KIAA0586: variants seen among roughly 807,000 people sequenced by gnomAD.
KIAA0586 encodes protein TALPID3.
In KIAA0586, 144 loss-of-function variants were observed where a neutral mutation model predicts 169.8. That is an observed-to-expected ratio of 0.85 (90% CI 0.74 to 0.97). The LOEUF (loss-of-function observed/expected upper bound fraction) is 0.97. Ranked by LOEUF, KIAA0586 falls within the 50% of genes least tolerant of loss-of-function variation. The probability of loss-of-function intolerance (pLI) is 0.00; values close to 1 mark genes in which losing one functional copy is unlikely to be tolerated. For synonymous variants in KIAA0586, 625 were observed against 612.4 expected, an observed-to-expected ratio of 1.02 and a Z score of -0.30; for missense variants, 1,854 against 1,823.0, an observed-to-expected ratio of 1.02 and a Z score of -0.31.
intron 20 of KIAA0586, among the ~76,000 whole-genome samples, chr14:58,480,896 C>T (rs1362290678): frequency 6.6e-6 from 1 of 152,178 alleles, no homozygotes; most frequent in African/African-American, 2.4e-5. Flanking sequence ...GAAAATCTGA[C>T]ATTTTACAAA....
chr14:58,449,849 T>C (rs1186758712), intron 7 of KIAA0586, among the ~76,000 whole-genome samples: 1 of 152,224 alleles, frequency 6.6e-6, no homozygotes, highest in African/African-American at 2.4e-5. Context: ...AATTTTTCTT[T>C]GTATATATAA....
At position 58,458,549 on chromosome 14, in the gene KIAA0586, T is replaced by C. The variant is rs368165741; in HGVS notation, c.1656+4T>C. 3.9e-5 allele frequency: 59 copies of C among 1,510,016 alleles called. No homozygotes were observed. The East Asian group carries it at 1.1e-3, about 27-fold the overall frequency. 93.5% of individuals were successfully genotyped at this position (1,510,016 alleles called of 1,614,324 possible). On this transcript the variant is annotated splice_donor_region_variant and intron_variant, in intron 12 of 30. Transcript: ENST00000652326. ...AACTATTTCTGCAGAAATTCAGGTA[T>C]GTCTTGGAAAAAAACTGAAAATTAA...
chr14:58,461,078 T>A lies in KIAA0586; in HGVS notation c.1977T>A (p.Leu659=). ...KPVYQGHRST[L]KKGPYLRFNS... is the part of the protein sequence containing the mutation. ...TTTATCAGGGCCATCGAAGCACTCT[T>A]AAAAAAGGACCATATCTCAGATTTA... Residue 659 remains leucine (L), a synonymous_variant, in exon 14 of 31, where the codon CTT becomes CTA. Coordinates refer to ENST00000652326, the MANE Select transcript of KIAA0586 (RefSeq NM_001329943.3). 3 of 1,612,292 alleles carry A rather than the reference T, an allele frequency of 1.9e-6. No homozygotes were observed. The highest frequency in any genetic ancestry group is 2.5e-6 in the Non-Finnish European group (3 of 1,179,042).
chr14:58,440,014 C>G (rs2038168576), intron 4 of KIAA0586: 1 of 225,378 alleles, frequency 4.4e-6, no homozygotes, highest in Admixed American at 5.7e-5. Flanking sequence ...ATTTGCTGGA[C>G]TTGTTTTCAT....
chr14:58,523,651 C>T (rs2045373240), intron 29 of KIAA0586, among the ~76,000 whole-genome samples: 1 of 151,684 alleles, frequency 6.6e-6, no homozygotes, highest in Non-Finnish European at 1.5e-5. Context: ...AGCAGAGGAA[C>T]CGTCTCCAGT....
chr14:58,453,618 C>T, intron 9 of KIAA0586, 145 bp downstream of exon 9: 1 of 556,348 alleles, frequency 1.8e-6, no homozygotes, highest in Non-Finnish European at 3.0e-6. Context: ...GCTAATATAT[C>T]TTCCCCCTTT....
intron 20 of KIAA0586, among the ~76,000 whole-genome samples, chr14:58,478,546 A>G (rs1348033795): frequency 2.0e-5 from 3 of 152,150 alleles, no homozygotes; most frequent in Non-Finnish European, 4.4e-5. Context: ...TGCCCAGGCT[A>G]ATCTCAAACT....
chr14:58,507,283 T>C (rs1211524717), intron 27 of KIAA0586, among the ~76,000 whole-genome samples: 3 of 147,316 alleles, frequency 2.0e-5, no homozygotes, highest in Non-Finnish European at 3.0e-5. Flanking sequence ...GTATGATTTA[T>C]ATATATATCA....
At chr14:58,540,990 A>G (rs1259613051) in intron 30 of KIAA0586, among the ~76,000 whole-genome samples, 1 of 152,250 alleles carries the variant, frequency 6.6e-6, no homozygotes, top group East Asian at 1.9e-4. Context: ...GAATTGGAGC[A>G]AGAGTGGATG....
chr14:58,428,420 T>C lies in KIAA0586; in HGVS notation c.156T>C (p.Arg52=). ...CVPPALSANK[R]LPVGTGTSLN... ...CTCCGGCATTGTCTGCAAATAAACG[T>C]CTTCCTGTTGGAACGGGGACTAGTT... The change falls in exon 1 of 31, where the codon CGT becomes CGC. Residue 52 remains arginine, a synonymous_variant. Coordinates refer to ENST00000652326, the MANE Select transcript of KIAA0586 (RefSeq NM_001329943.3). 1 of 1,613,998 alleles carries C rather than the reference T, an allele frequency of 6.2e-7. No homozygotes were observed. The highest frequency in any genetic ancestry group is 8.5e-7 in the Non-Finnish European group (1 of 1,179,862).
At chr14:58,479,766 A>G (rs2041902415) in intron 20 of KIAA0586, among the ~76,000 whole-genome samples, 5 of 152,154 alleles carry the variant, frequency 3.3e-5, no homozygotes, top group Admixed American at 3.3e-4. Flanking sequence ...AGCTGTTCTA[A>G]TACCATTTGT....
chr14:58,522,301 T>C (rs1194755937), intron 29 of KIAA0586, among the ~76,000 whole-genome samples: 1 of 152,246 alleles, frequency 6.6e-6, no homozygotes, highest in East Asian at 1.9e-4. Flanking sequence ...AATCTTTTGT[T>C]ATGCAGGGAG....
chr14:58,500,346 C>A (rs2043465305), intron 27 of KIAA0586, among the ~76,000 whole-genome samples: 1 of 152,032 alleles, frequency 6.6e-6, no homozygotes, highest in Non-Finnish European at 1.5e-5. Context: ...ATAACTTGTG[C>A]CTGAAGGAAG....
rs142601191 is a variant in KIAA0586 at position 58,516,226 on chromosome 14, A to G, written c.4429+3599A>G. On this transcript the variant is annotated intron_variant, in intron 29 of 30. Transcript: ENST00000652326. Reference sequence around the variant, plus strand: ...AGAGAAAGATTGTGGGGAAAGGCAGAGAGTCTCTCTCACTGGTGCAGGCCT... The same window carrying G: ...AGAGAAAGATTGTGGGGAAAGGCAGGGAGTCTCTCTCACTGGTGCAGGCCT... Among the ~76,000 whole-genome samples, 137 of 152,320 alleles carry G rather than the reference A, an allele frequency of 9.0e-4. 1 individual carries two copies. The highest frequency in any genetic ancestry group is 6.8e-3 in the Middle Eastern group (2 of 294).
chr14:58,539,817 T>G (rs1449004453), intron 29 of KIAA0586: 2 of 297,166 alleles, frequency 6.7e-6, no homozygotes, highest in Non-Finnish European at 1.2e-5. Flanking sequence ...CTCATGACCC[T>G]TTGCTTCCCC....
chr14:58,432,918 G>A (rs1319090628), intron 4 of KIAA0586, among the ~76,000 whole-genome samples: 2 of 151,994 alleles, frequency 1.3e-5, no homozygotes, highest in Non-Finnish European at 2.9e-5. Flanking sequence ...GTTTCACTAT[G>A]TTGGCCAGGC....
intron 26 of KIAA0586, among the ~76,000 whole-genome samples, chr14:58,497,438 C>T (rs573368871): frequency 1.3e-5 from 2 of 151,628 alleles, no homozygotes; most frequent in East Asian, 3.9e-4. Flanking sequence ...CGGCTCACTG[C>T]AGCCTCTGCC....
At chr14:58,444,569 G>A (rs764457451) in intron 6 of KIAA0586, among the ~76,000 whole-genome samples, 9 of 152,000 alleles carry the variant, frequency 5.9e-5, no homozygotes, top group African/African-American at 1.4e-4. Context: ...GATTACAGGC[G>A]CACACCACCA....
Position 58,496,034 on chromosome 14 carries a change from T to C in KIAA0586, c.3991-2749T>C, listed in dbSNP as rs150654859. Among the ~76,000 whole-genome samples, 80 of 152,354 alleles carry C rather than the reference T, an allele frequency of 5.3e-4. 1 individual carries two copies. Among genetic ancestry groups the C allele is most frequent in the African/African-American group, 1.9e-3 (77 of 41,586 alleles). On this transcript the variant is annotated intron_variant, in intron 26 of 30. Coordinates refer to ENST00000652326, the MANE Select transcript of KIAA0586 (RefSeq NM_001329943.3). ...TTGCATATTTTCTTGTCTAAAGGGC[T>C]ATGTAATAAGAACTAGTAATATTGA...
Sources: gnomAD v4.1 joint callset for allele counts (sites outside exome capture counted in the v4.1 genomes callset) on GRCh38, gnomAD v4.1.1 for gene constraint, MANE v1.5 for transcripts, NCBI Gene and HGNC (gene_info 2026-07-23, HGNC 2026-07-21) for gene names.